The following PTPRD variants were observed in gnomAD, a reference collection of about 807,000 sequenced individuals.
The protein encoded by PTPRD is protein tyrosine phosphatase receptor type D.
Under a neutral mutation model 214.5 loss-of-function variants are expected in PTPRD, and 34 were observed. The observed-to-expected ratio is 0.16, with a 90% CI of 0.12 to 0.21. The LOEUF is 0.21. PTPRD is among the 10% of genes least tolerant of loss of function. The pLI, the probability that PTPRD is intolerant of heterozygous loss-of-function variation, is 1.00. For synonymous variants in PTPRD, 1,128 were observed against 845.7 expected, an observed-to-expected ratio of 1.33 and a Z score of -5.79; for missense variants, 2,545 against 2,398.7, an observed-to-expected ratio of 1.06 and a Z score of -1.27.
chr9:9,099,072 TG>T (rs1412459987), intron 10 of PTPRD, among the ~76,000 whole-genome samples: 2 of 152,208 alleles, frequency 1.3e-5, no homozygotes, highest in Non-Finnish European at 2.9e-5. Context: ...AATGACATTT[TG>T]ATAAGAATTT....
At chr9:8,862,085 T>G (rs1472825708) in intron 11 of PTPRD, 1 of 152,228 alleles carries the variant, frequency 6.6e-6, no homozygotes, top group African/African-American at 2.4e-5. Context: ...GGCCAGGCAC[T>G]GTGGCTCACA....
chr9:10,123,292 T>C (rs1358161405), intron 3 of PTPRD, among the ~76,000 whole-genome samples: 2 of 152,230 alleles, frequency 1.3e-5, no homozygotes, highest in African/African-American at 4.8e-5. Context: ...AAAAATTATC[T>C]ATGTGACTAA....
intron 44 of PTPRD, among the ~76,000 whole-genome samples, chr9:8,331,246 CTATGAAAGCAAAAGCAAA>C (rs1587801120): frequency 6.6e-6 from 1 of 151,892 alleles, no homozygotes; most frequent in African/African-American, 2.4e-5. Flanking sequence ...CAGTGCATTG[CTATGAAAGCAAAAGCAAA>C]TATGAAATGA....
chr9:8,619,162 G>C (rs1041423532), intron 14 of PTPRD, among the ~76,000 whole-genome samples: 1 of 151,934 alleles, frequency 6.6e-6, no homozygotes, highest in Non-Finnish European at 1.5e-5. Context: ...ATCTTGCTCA[G>C]TAACATACGC....
At position 9,845,204 on chromosome 9, in the gene PTPRD, ATATACTGC is replaced by A. The variant is rs1291080381; in HGVS notation, c.-367-78361_-367-78354del. Among the ~76,000 whole-genome samples, 202 of 137,560 alleles carry A rather than the reference ATATACTGC, an allele frequency of 1.5e-3. 3 individuals are homozygous for A. Among genetic ancestry groups the A allele is most frequent in the African/African-American group, 5.3e-3 (194 of 36,390 alleles). 90.2% of individuals were successfully genotyped at this position (137,560 alleles called of 152,430 possible). A position where few individuals can be genotyped will look rare whatever the true frequency, so the allele number is the denominator to read the frequency against. On this transcript the variant is annotated intron_variant, in intron 5 of 45. Coordinates refer to ENST00000381196, the MANE Select transcript of PTPRD (RefSeq NM_002839.4). The stretch of plus-strand genomic sequence containing the variant: ...TATTGCTCTATATATATAGCTATAT[ATATACTGC>A]TATATATATATATATATAGCAATAG...
At chr9:9,544,242 G>C (rs772967400) in intron 8 of PTPRD, among the ~76,000 whole-genome samples, 11 of 151,484 alleles carry the variant, frequency 7.3e-5, no homozygotes, top group Non-Finnish European at 1.3e-4. Context: ...AACCAAATGT[G>C]AAAAGCAAGT....
intron 10 of PTPRD, among the ~76,000 whole-genome samples, chr9:9,044,104 G>A (rs1484468611): frequency 6.6e-6 from 1 of 152,022 alleles, no homozygotes; most frequent in African/African-American, 2.4e-5. Flanking sequence ...CTTCCACAAA[G>A]ACAATTAAGT....
intron 2 of PTPRD, among the ~76,000 whole-genome samples, chr9:10,359,729 C>G (rs1429106833): frequency 2.0e-5 from 3 of 152,082 alleles, no homozygotes; most frequent in Admixed American, 6.5e-5. Flanking sequence ...CATACATTAA[C>G]TCTATAAGTA....
chr9:10,266,365 G>C (rs2154379389), intron 3 of PTPRD, among the ~76,000 whole-genome samples: 1 of 152,266 alleles, frequency 6.6e-6, no homozygotes, highest in East Asian at 1.9e-4. Context: ...AGATATGCCA[G>C]ATGTAAATGT....
intron 10 of PTPRD, among the ~76,000 whole-genome samples, chr9:9,044,239 C>G (rs1281596467): frequency 6.6e-6 from 1 of 152,212 alleles, no homozygotes; most frequent in African/African-American, 2.4e-5. Flanking sequence ...TAAATATCAT[C>G]TGAAAACACT....
At chr9:8,475,212 T>C (rs2096738839) in intron 30 of PTPRD, among the ~76,000 whole-genome samples, 1 of 152,180 alleles carries the variant, frequency 6.6e-6, no homozygotes, top group East Asian at 1.9e-4. Context: ...CTCAGTGATC[T>C]CCAGGGCATT....
Position 8,903,774 on chromosome 9 carries a change from TACTA to T in PTPRD, c.-104+114919_-104+114922del. 5.3e-3 allele frequency among the ~76,000 whole-genome samples: 781 copies of T among 148,380 alleles called. 22 individuals are homozygous for T. Among genetic ancestry groups the T allele is most frequent in the African/African-American group, 0.019 (734 of 37,914 alleles). On this transcript the variant is annotated intron_variant, in intron 11 of 45. Coordinates refer to ENST00000381196, the MANE Select transcript of PTPRD (RefSeq NM_002839.4). Reference sequence around the variant, plus strand: ...TTTAAAAAATTATGGGAAATTTGATTACTATTTAAAAGACTACTCTGTAAAGCAA... The same window carrying T: ...TTTAAAAAATTATGGGAAATTTGATTTTTAAAAGACTACTCTGTAAAGCAA...
chr9:9,588,791 T>C (rs899266283), intron 7 of PTPRD, among the ~76,000 whole-genome samples: 45 of 151,968 alleles, frequency 3.0e-4, no homozygotes, highest in Non-Finnish European at 6.0e-4. Flanking sequence ...CTCATCAATG[T>C]CATCATTTTA....
chr9:9,027,136 A>G (rs1165366217), intron 10 of PTPRD, among the ~76,000 whole-genome samples: 1 of 151,704 alleles, frequency 6.6e-6, no homozygotes, highest in Non-Finnish European at 1.5e-5. Context: ...CATCTGGCAT[A>G]CATTCTGAAT....
intron 2 of PTPRD, among the ~76,000 whole-genome samples, chr9:10,412,744 T>C (rs1281550412): frequency 6.6e-6 from 1 of 150,678 alleles, no homozygotes; most frequent in Non-Finnish European, 1.5e-5. Flanking sequence ...CAGCAACACA[T>C]CAAAAAGCTT....
At chr9:8,343,512 G>C (rs1854518703) in intron 39 of PTPRD, among the ~76,000 whole-genome samples, 1 of 151,984 alleles carries the variant, frequency 6.6e-6, no homozygotes, top group South Asian at 2.1e-4. Flanking sequence ...AGTTCCTTGA[G>C]ATCCATGAAG....
At chr9:8,536,247 C>T (rs907836543) in intron 14 of PTPRD, among the ~76,000 whole-genome samples, 4 of 151,822 alleles carry the variant, frequency 2.6e-5, no homozygotes. Context: ...AACTCTTAAT[C>T]ACAGTCAACT....
At chr9:8,415,334 G>A (rs1347601096) in intron 35 of PTPRD, among the ~76,000 whole-genome samples, 1 of 152,160 alleles carries the variant, frequency 6.6e-6, no homozygotes, top group Non-Finnish European at 1.5e-5. Flanking sequence ...TGGAAGGAAT[G>A]TGCAGTACAT....
At chr9:9,481,096 T>A (rs907741012) in intron 8 of PTPRD, among the ~76,000 whole-genome samples, 1 of 152,136 alleles carries the variant, frequency 6.6e-6, no homozygotes, top group African/African-American at 2.4e-5. Context: ...TCCATGATGA[T>A]GATGATGGTG....
Sources: allele counts gnomAD v4.1 joint callset (sites outside exome capture counted in the v4.1 genomes callset), GRCh38; gene constraint gnomAD v4.1.1; transcripts MANE v1.5; gene names NCBI Gene and HGNC (gene_info 2026-07-23, HGNC 2026-07-21).